The following ROR1 variants were observed in gnomAD, a reference collection of about 807,000 sequenced individuals.
ROR1 encodes the protein inactive tyrosine-protein kinase transmembrane receptor ROR1.
ROR1 carries 19 observed loss-of-function variants against 78.8 expected under a neutral mutation model. The ratio of observed to expected loss-of-function variants is 0.24; its 90% confidence interval spans 0.17 to 0.35. The LOEUF is 0.35. Among genes scored for constraint, ROR1 ranks in the 10% least tolerant of loss-of-function variants. The probability of loss-of-function intolerance (pLI) is 1.00; values close to 1 mark genes in which losing one functional copy is unlikely to be tolerated. For synonymous variants in ROR1, 386 were observed against 433.6 expected, an observed-to-expected ratio of 0.89 and a Z score of 1.36; for missense variants, 917 against 1,177.8, an observed-to-expected ratio of 0.78 and a Z score of 3.24.
chr1:64,097,953 A>G (rs182218018), intron 4 of ROR1, among the ~76,000 whole-genome samples: 2 of 152,286 alleles, frequency 1.3e-5, no homozygotes, highest in Admixed American at 1.3e-4. Context: ...AATTTATGCA[A>G]AAGGCTGCGT....
At chr1:63,876,830 T>C (rs1355284451) in intron 1 of ROR1, among the ~76,000 whole-genome samples, 1 of 151,882 alleles carries the variant, frequency 6.6e-6, no homozygotes, top group African/African-American at 2.4e-5. Flanking sequence ...AAAGCCAAAA[T>C]ACAGCAAGTA....
intron 1 of ROR1, among the ~76,000 whole-genome samples, chr1:63,999,117 T>C (rs1646363044): frequency 6.6e-6 from 1 of 152,212 alleles, no homozygotes; most frequent in Admixed American, 6.5e-5. Context: ...GAAAACAGAC[T>C]AATACAGAAA....
chr1:63,815,879 G>A (rs1451584357), intron 1 of ROR1, among the ~76,000 whole-genome samples: 1 of 152,060 alleles, frequency 6.6e-6, no homozygotes, highest in African/African-American at 2.4e-5. Context: ...AAAACTTCCT[G>A]GGACTTCCTC....
At chr1:63,968,762 C>T (rs887724935) in intron 1 of ROR1, among the ~76,000 whole-genome samples, 5 of 152,092 alleles carry the variant, frequency 3.3e-5, no homozygotes, top group African/African-American at 4.8e-5. Flanking sequence ...CATGGCACTA[C>T]GGTTAAAGGC....
At chr1:63,938,940 G>A (rs1645815004) in intron 1 of ROR1, among the ~76,000 whole-genome samples, 3 of 152,236 alleles carry the variant, frequency 2.0e-5, no homozygotes, top group African/African-American at 7.2e-5. Flanking sequence ...GGAGGCTGAA[G>A]TGAGCAGTGA....
chr1:63,872,945 A>G (rs1265205395), intron 1 of ROR1, among the ~76,000 whole-genome samples: 1 of 152,172 alleles, frequency 6.6e-6, no homozygotes, highest in Non-Finnish European at 1.5e-5. Flanking sequence ...CCAAAGAAGG[A>G]CAGTGAGAGG....
intron 1 of ROR1, among the ~76,000 whole-genome samples, chr1:63,950,586 A>G (rs1275613041): frequency 6.6e-6 from 1 of 152,154 alleles, no homozygotes; most frequent in Non-Finnish European, 1.5e-5. Flanking sequence ...CTCCAATGTC[A>G]TCCTGTGACT....
At chr1:63,887,729 T>C (rs1645366777) in intron 1 of ROR1, among the ~76,000 whole-genome samples, 1 of 152,204 alleles carries the variant, frequency 6.6e-6, no homozygotes, top group Admixed American at 6.5e-5. Context: ...AGGCTGGAGC[T>C]AGAAGCAGCT....
At chr1:63,874,074 A>G (rs191548638) in intron 1 of ROR1, among the ~76,000 whole-genome samples, 7 of 152,302 alleles carry the variant, frequency 4.6e-5, no homozygotes, top group Admixed American at 2.6e-4. Flanking sequence ...AAAAACATTT[A>G]AAAATGGGCA....
chr1:63,883,195 G>A (rs990732093), intron 1 of ROR1, among the ~76,000 whole-genome samples: 1 of 151,918 alleles, frequency 6.6e-6, no homozygotes, highest in Non-Finnish European at 1.5e-5. Context: ...TGGGCTCAAA[G>A]GTCCTTCCAA....
At chr1:64,148,503 T>C (rs1182403404) in intron 7 of ROR1, among the ~76,000 whole-genome samples, 2 of 152,200 alleles carry the variant, frequency 1.3e-5, no homozygotes, top group Non-Finnish European at 2.9e-5. Flanking sequence ...TTAAGGAGAT[T>C]TCAGAATCTC....
At chr1:63,814,764 G>T (rs1422429289) in intron 1 of ROR1, among the ~76,000 whole-genome samples, 1 of 152,144 alleles carries the variant, frequency 6.6e-6, no homozygotes, top group Non-Finnish European at 1.5e-5. Flanking sequence ...TGCAAGTGAG[G>T]GGGAGCAGCT....
chr1:63,835,411 C>T (rs1557519343), intron 1 of ROR1, among the ~76,000 whole-genome samples: 1 of 152,190 alleles, frequency 6.6e-6, no homozygotes, highest in African/African-American at 2.4e-5. Context: ...AGATGATCCT[C>T]CTTTCTTTTT....
At chr1:63,845,077 T>C (rs1557523948) in intron 1 of ROR1, among the ~76,000 whole-genome samples, 1 of 152,186 alleles carries the variant, frequency 6.6e-6, no homozygotes, top group Non-Finnish European at 1.5e-5. Flanking sequence ...CGTATCTAAT[T>C]CTCTAATGAG....
At chr1:63,793,415 C>T (rs1410999937) in intron 1 of ROR1, among the ~76,000 whole-genome samples, 1 of 152,214 alleles carries the variant, frequency 6.6e-6, no homozygotes, top group Non-Finnish European at 1.5e-5. Flanking sequence ...CCTAGCATAA[C>T]ATTATGGCTA....
chr1:63,949,139 T>A (rs1161879432), intron 1 of ROR1, among the ~76,000 whole-genome samples: 2 of 152,114 alleles, frequency 1.3e-5, no homozygotes, highest in Admixed American at 1.3e-4. Context: ...CCATTCCATA[T>A]AAAGAAGGCA....
chr1:63,863,001 C>T (rs899402336), intron 1 of ROR1, among the ~76,000 whole-genome samples: 7 of 152,164 alleles, frequency 4.6e-5, no homozygotes, highest in Admixed American at 1.3e-4. Context: ...CAGCATCTTG[C>T]CTAATCACTT....
chr1:63,846,735 T>C (rs1011893219), intron 1 of ROR1, among the ~76,000 whole-genome samples: 2 of 152,112 alleles, frequency 1.3e-5, no homozygotes, highest in Non-Finnish European at 2.9e-5. Flanking sequence ...ATACAGGAAG[T>C]GATGTAAAGT....
intron 1 of ROR1, among the ~76,000 whole-genome samples, chr1:63,957,315 G>T (rs926641794): frequency 6.6e-6 from 1 of 152,148 alleles, no homozygotes; most frequent in Non-Finnish European, 1.5e-5. Flanking sequence ...TCTGTCCCCC[G>T]AGGAATTCCT....
Sources: allele counts gnomAD v4.1 joint callset (sites outside exome capture counted in the v4.1 genomes callset), GRCh38; gene constraint gnomAD v4.1.1; transcripts MANE v1.5; gene names NCBI Gene and HGNC (gene_info 2026-07-23, HGNC 2026-07-21).